Variants in LPP observed in about 807,000 individuals in gnomAD.
The protein encoded by LPP is lipoma-preferred partner.
Under a neutral mutation model 60.4 loss-of-function variants are expected in LPP, and 38 were observed. That is an observed-to-expected ratio of 0.63 (90% confidence interval 0.49 to 0.83). LPP has a LOEUF of 0.83. Ranked by LOEUF, LPP falls within the 40% of genes least tolerant of loss-of-function variation. The probability of loss-of-function intolerance (pLI) is 0.00; values close to 1 mark genes in which losing one functional copy is unlikely to be tolerated. For missense variants in LPP, 902 were observed against 783.6 expected (o/e 1.15, Z -1.80); for synonymous variants, 328 against 290.8 (o/e 1.13, Z -1.30).
chr3:188,819,787 G>A (rs1055321947), intron 9 of LPP, among the ~76,000 whole-genome samples: 1 of 152,184 alleles, frequency 6.6e-6, no homozygotes, highest in Non-Finnish European at 1.5e-5. Flanking sequence ...AAAGTAGAAA[G>A]ACAGTTTAGG....
chr3:188,397,402 A>G (rs111793049), intron 3 of LPP, among the ~76,000 whole-genome samples: 7 of 152,254 alleles, frequency 4.6e-5, no homozygotes, highest in African/African-American at 1.7e-4. Context: ...GCTATTGTCA[A>G]CCATGTCTTT....
intron 2 of LPP, among the ~76,000 whole-genome samples, chr3:188,338,796 A>G (rs936243097): frequency 6.6e-5 from 10 of 152,206 alleles, no homozygotes; most frequent in Non-Finnish European, 1.2e-4. Context: ...AGTTAGCTTT[A>G]CACTGGTTCA....
chr3:188,296,326 C>G (rs1417260343), intron 2 of LPP, among the ~76,000 whole-genome samples: 1 of 151,990 alleles, frequency 6.6e-6, no homozygotes, highest in African/African-American at 2.4e-5. Context: ...AGTGAGGATT[C>G]GGGGGATGGA....
At chr3:188,698,512 C>T (rs62290049) in intron 7 of LPP, among the ~76,000 whole-genome samples, 14,600 of 151,320 alleles carry the variant, frequency 0.096, 893 homozygotes, top group Middle Eastern at 0.14. Flanking sequence ...TTCTCCTTTA[C>T]GGAGGGCCCG....
At position 188,363,919 on chromosome 3, in the gene LPP, A is replaced by AAAT. The variant is rs796364607; in HGVS notation, c.-10+22202_-10+22203insTAA. ...AAACTCCCTCCCAAAAAAAAAAAAA[A>AAAT]AAAAAAAAATACTATGTACTTGTTC... On this transcript the variant is annotated intron_variant, in intron 3 of 11. Transcript: ENST00000617246. Among the ~76,000 whole-genome samples the AAAT allele has an allele frequency of 7.9e-5, 12 of 151,814 alleles. No homozygotes were observed. In the South Asian group the frequency reaches 2.3e-3, roughly 29 times the overall value.
chr3:188,169,637 G>A (rs753825368), intron 1 of LPP, among the ~76,000 whole-genome samples: 19 of 152,242 alleles, frequency 1.2e-4, no homozygotes, highest in African/African-American at 2.9e-4. Context: ...AAACGAATGC[G>A]CATTCTGACC....
chr3:188,759,339 T>G (rs562801043), intron 8 of LPP: 2 of 152,328 alleles, frequency 1.3e-5, no homozygotes, highest in South Asian at 4.1e-4. Context: ...ACCGTGGCCC[T>G]GAAAGACTCA....
chr3:188,819,027 CGTGTGTGTGTGTGTGTGTGTGTGT>C (rs59994224), intron 9 of LPP, among the ~76,000 whole-genome samples: 1 of 142,198 alleles, frequency 7.0e-6, no homozygotes, highest in African/African-American at 2.6e-5. Context: ...TCATGGGGGT[CGTGTGTGTGTGTGTGTGTGTGTGT>C]GTGTGTGTGT....
At chr3:188,628,854 C>G (rs1320507879) in intron 7 of LPP, among the ~76,000 whole-genome samples, 1 of 152,094 alleles carries the variant, frequency 6.6e-6, no homozygotes, top group Non-Finnish European at 1.5e-5. Context: ...CAAAAATCTT[C>G]AACAAAATAC....
intron 4 of LPP, among the ~76,000 whole-genome samples, chr3:188,422,838 C>T (rs905979190): frequency 1.3e-5 from 2 of 151,560 alleles, no homozygotes; most frequent in African/African-American, 4.9e-5. Context: ...ATATGCGTTT[C>T]TCTTTGGTGG....
At chr3:188,647,536 A>G (rs987125546) in intron 7 of LPP, among the ~76,000 whole-genome samples, 1 of 152,156 alleles carries the variant, frequency 6.6e-6, no homozygotes, top group African/African-American at 2.4e-5. Context: ...AGGTTAAGAA[A>G]GCTTTCCCTG....
Position 188,822,839 on chromosome 3 carries a change from C to A in LPP, c.1411-43361C>A, listed in dbSNP as rs551043230. The stretch of plus-strand genomic sequence containing the variant: ...ATGCATTGTGTCTAAAATTGGGGAC[C>A]ATATGTACAGGAAATTCTTTCTTAT... On this transcript the variant is annotated intron_variant, in intron 9 of 11. Transcript: ENST00000617246. Among the ~76,000 whole-genome samples, 20 of 152,212 alleles carry A rather than the reference C, an allele frequency of 1.3e-4. No individual in the cohort carries two copies. In the South Asian group the frequency reaches 4.1e-3, roughly 32 times the overall value.
intron 5 of LPP, among the ~76,000 whole-genome samples, chr3:188,492,961 C>A (rs1397761606): frequency 1.3e-5 from 2 of 152,172 alleles, no homozygotes; most frequent in Non-Finnish European, 2.9e-5. Context: ...AATTTTATAA[C>A]CACATCAGTA....
intron 4 of LPP, among the ~76,000 whole-genome samples, chr3:188,450,609 G>C (rs1174499710): frequency 6.6e-6 from 1 of 152,066 alleles, no homozygotes; most frequent in African/African-American, 2.4e-5. Flanking sequence ...GCTGGGCATG[G>C]TGGCAAGCGC....
intron 2 of LPP, among the ~76,000 whole-genome samples, chr3:188,233,390 G>T (rs1375294532): frequency 6.6e-6 from 1 of 152,162 alleles, no homozygotes; most frequent in Non-Finnish European, 1.5e-5. Context: ...GTGTCTCTGG[G>T]ACCTGCTCAG....
intron 6 of LPP, among the ~76,000 whole-genome samples, chr3:188,559,451 A>G (rs1307662470): frequency 6.6e-6 from 1 of 152,108 alleles, no homozygotes; most frequent in African/African-American, 2.4e-5. Flanking sequence ...AGGCAGTAAT[A>G]CAATTTGATT....
intron 9 of LPP, among the ~76,000 whole-genome samples, chr3:188,803,562 G>C (rs1025899436): frequency 5.3e-5 from 8 of 152,136 alleles, no homozygotes. Flanking sequence ...ACCATTTGTT[G>C]TAATTTAATT....
chr3:188,661,329 A>G (rs1854530766), intron 7 of LPP, among the ~76,000 whole-genome samples: 1 of 152,160 alleles, frequency 6.6e-6, no homozygotes, highest in African/African-American at 2.4e-5. Flanking sequence ...GTAGACATAT[A>G]TTTTCAGCTC....
rs576742477 is a variant in LPP, at chr3:188,217,393, G to T, written c.-189-8012G>T. On this transcript the variant is annotated intron_variant, in intron 1 of 11. Transcript: ENST00000617246. The surrounding 1 kb of genome is among the most constrained non-coding windows in gnomAD (Gnocchi z 4.0). Reference sequence around the variant, plus strand: ...GGAAGAAGCAGGAGAAAAGAATAGGGTCTAGCAGGTGGTGGTAAGTGAGAG... The same window carrying T: ...GGAAGAAGCAGGAGAAAAGAATAGGTTCTAGCAGGTGGTGGTAAGTGAGAG... Among the ~76,000 whole-genome samples, 131 of 152,154 alleles carry T rather than the reference G, an allele frequency of 8.6e-4. No individual in the cohort carries two copies. Among genetic ancestry groups the T allele is most frequent in the Non-Finnish European group, 1.5e-3 (104 of 68,046 alleles).
Sources: allele counts gnomAD v4.1 joint callset (sites outside exome capture counted in the v4.1 genomes callset), GRCh38; gene constraint gnomAD v4.1.1; non-coding constraint Gnocchi (gnomAD v3.1); transcripts MANE v1.5; gene names NCBI Gene and HGNC (gene_info 2026-07-23, HGNC 2026-07-21).